SIPA1L3: variants seen among roughly 807,000 people sequenced by gnomAD.
SIPA1L3 encodes the protein signal induced proliferation associated 1 like 3.
Under a neutral mutation model 150.1 loss-of-function variants are expected in SIPA1L3, and 59 were observed. That is an observed-to-expected ratio of 0.39 (90% CI 0.32 to 0.49). The LOEUF (loss-of-function observed/expected upper bound fraction) is 0.49. Ranked by LOEUF, SIPA1L3 falls within the 20% of genes least tolerant of loss-of-function variation. The probability of loss-of-function intolerance (pLI) is 0.86; values close to 1 mark genes in which losing one functional copy is unlikely to be tolerated. For missense variants in SIPA1L3, 2,211 were observed against 2,489.5 expected, an observed-to-expected ratio of 0.89 and a Z score of 2.38; for synonymous variants, 1,070 against 1,077.6, an observed-to-expected ratio of 0.99 and a Z score of 0.14.
intron 3 of SIPA1L3, among the ~76,000 whole-genome samples, chr19:38,084,135 C>T (rs1042626542): frequency 3.6e-5 from 5 of 138,940 alleles, no homozygotes; most frequent in African/African-American, 1.5e-4. Context: ...TCAGTATGGT[C>T]AGCCTTAGTG....
intron 14 of SIPA1L3, 36 bp downstream of exon 14, chr19:38,162,407 C>T: frequency 6.6e-7 from 1 of 1,513,968 alleles, no homozygotes; most frequent in Non-Finnish European, 9.2e-7. Flanking sequence ...ACCGGGGGAG[C>T]CAGGCCTGCC....
At chr19:38,087,436 A>G (rs980644912) in intron 3 of SIPA1L3, among the ~76,000 whole-genome samples, 2 of 152,192 alleles carry the variant, frequency 1.3e-5, no homozygotes, top group African/African-American at 2.4e-5. Context: ...TTGATTTGCC[A>G]AGAGCATCTC....
intron 2 of SIPA1L3, among the ~76,000 whole-genome samples, chr19:38,071,264 T>C (rs866323993): frequency 2.8e-5 from 4 of 142,410 alleles, no homozygotes; most frequent in African/African-American, 5.2e-5. Context: ...TATCTATCTA[T>C]CTGCCTGCCT....
intron 16 of SIPA1L3, among the ~76,000 whole-genome samples, chr19:38,183,560 T>A (rs546983520): frequency 6.6e-6 from 1 of 152,082 alleles, no homozygotes; most frequent in Non-Finnish European, 1.5e-5. Context: ...CCTGGATGCT[T>A]CGGTGCGAGA....
At chr19:38,009,631 C>T (rs1968051329) in intron 1 of SIPA1L3, among the ~76,000 whole-genome samples, 2 of 152,148 alleles carry the variant, frequency 1.3e-5, no homozygotes, top group Admixed American at 6.5e-5. Context: ...TATTACTCCT[C>T]CCACCATGTT....
chr19:38,198,352 AC>A lies in SIPA1L3; in HGVS notation c.4841-36del, dbSNP rs765291586. The A allele has an allele frequency of 1.4e-5, 20 of 1,474,738 alleles. No homozygotes were observed. The Middle Eastern group carries it at 9.1e-4, about 67-fold the overall frequency. The allele number at this position is 1,474,738 out of a possible 1,614,324, so 91.4% of individuals were successfully genotyped here. A position where few individuals can be genotyped will look rare whatever the true frequency, so the allele number is the denominator to read the frequency against. ...ATGTATTTGTGTCTCCCGCATTGTC[AC>A]ACTCAACCACTGCCATCTCCACCCT... On this transcript the variant is annotated intron_variant, in intron 18 of 21. Transcript: ENST00000222345.
At chr19:37,966,910 T>A (rs2046909065) in intron 1 of SIPA1L3, among the ~76,000 whole-genome samples, 1 of 152,076 alleles carries the variant, frequency 6.6e-6, no homozygotes, top group Non-Finnish European at 1.5e-5. Context: ...ACAGGCCCAG[T>A]TTCCACGGGT....
intron 1 of SIPA1L3, among the ~76,000 whole-genome samples, chr19:37,967,551 TG>T (rs1423350318): frequency 1.3e-5 from 2 of 151,936 alleles, no homozygotes; most frequent in Admixed American, 1.3e-4. Context: ...CGCACCCGGC[TG>T]GAAATTTCCC....
intron 13 of SIPA1L3, among the ~76,000 whole-genome samples, chr19:38,161,012 G>A (rs1450850243): frequency 6.6e-6 from 1 of 152,150 alleles, no homozygotes; most frequent in African/African-American, 2.4e-5. Context: ...AAATTAAGTT[G>A]TAGGACAGTG....
intron 1 of SIPA1L3, among the ~76,000 whole-genome samples, chr19:37,995,222 CAT>C (rs907030057): frequency 1.3e-4 from 20 of 152,150 alleles, no homozygotes; most frequent in African/African-American, 4.8e-4. Flanking sequence ...TGGGGCAGCA[CAT>C]GTCTGTACCG....
chr19:37,960,901 C>G (rs986389371), intron 1 of SIPA1L3, among the ~76,000 whole-genome samples: 11 of 151,718 alleles, frequency 7.3e-5, no homozygotes, highest in Non-Finnish European at 8.8e-5. Context: ...CAGAGTCTTG[C>G]TCTGTCACCC....
chr19:38,182,683 G>T lies in SIPA1L3; in HGVS notation c.4373G>T (p.Gly1458Val). The change falls in exon 16 of 22, where the codon GGG (glycine) becomes GTG (valine). Residue 1458 changes from glycine to valine, a missense_variant. This residue lies in a region of SIPA1L3 where 806 missense variants were observed against 870.1 expected (regional missense o/e 0.93). Transcript: ENST00000222345. ...KQPVRNKHPT[G>V]WKRTEEPPPR... Reference sequence around the variant, plus strand: ...CCTGTACGCAATAAGCACCCAACAGGGTGGAAGAGAACGGAGGAGCCCCCA... The same window carrying T: ...CCTGTACGCAATAAGCACCCAACAGTGTGGAAGAGAACGGAGGAGCCCCCA... The T allele has an allele frequency of 6.2e-7, 1 of 1,614,144 alleles. No individual in the cohort carries two copies. The highest frequency in any genetic ancestry group is 8.5e-7 in the Non-Finnish European group (1 of 1,180,008).
chr19:38,037,190 T>C (rs1432914427), intron 2 of SIPA1L3, among the ~76,000 whole-genome samples: 2 of 152,236 alleles, frequency 1.3e-5, no homozygotes, highest in African/African-American at 4.8e-5. Flanking sequence ...TGTGATTATG[T>C]CTGCACTAAG....
At chr19:38,115,159 A>G (rs1410846086) in intron 8 of SIPA1L3, among the ~76,000 whole-genome samples, 1 of 152,168 alleles carries the variant, frequency 6.6e-6, no homozygotes, top group African/African-American at 2.4e-5. Context: ...GGGAGACGGG[A>G]GATGTTTCTG....
chr19:37,961,712 C>T (rs1365590331), intron 1 of SIPA1L3, among the ~76,000 whole-genome samples: 1 of 151,706 alleles, frequency 6.6e-6, no homozygotes, highest in Non-Finnish European at 1.5e-5. Context: ...TTTTTTCTGG[C>T]ACTTTCTCTC....
intron 12 of SIPA1L3, among the ~76,000 whole-genome samples, chr19:38,150,162 G>A (rs918827873): frequency 2.6e-5 from 4 of 152,182 alleles, no homozygotes; most frequent in Admixed American, 2.0e-4. Flanking sequence ...AAGAATTCAC[G>A]TTTCGTACTT....
chr19:38,021,364 C>A (rs1968369490), intron 1 of SIPA1L3, among the ~76,000 whole-genome samples: 1 of 152,170 alleles, frequency 6.6e-6, no homozygotes, highest in Non-Finnish European at 1.5e-5. Flanking sequence ...GACCCTCTTG[C>A]CGCCATGGCC....
At chr19:38,005,409 T>G (rs1967917347) in intron 1 of SIPA1L3, among the ~76,000 whole-genome samples, 2 of 152,036 alleles carry the variant, frequency 1.3e-5, no homozygotes. Context: ...GGGCCTGCCT[T>G]CCTTGAATGC....
chr19:37,988,105 C>CCCTAA (rs1967407744), intron 1 of SIPA1L3, among the ~76,000 whole-genome samples: 1 of 152,184 alleles, frequency 6.6e-6, no homozygotes, highest in Admixed American at 6.5e-5. Context: ...CTGGCTCCTG[C>CCCTAA]CCTACCTCTC....
Sources: allele counts gnomAD v4.1 joint callset (sites outside exome capture counted in the v4.1 genomes callset), GRCh38; gene constraint gnomAD v4.1.1; regional missense constraint gnomAD v4.1.1; transcripts MANE v1.5; gene names NCBI Gene and HGNC (gene_info 2026-07-23, HGNC 2026-07-21).